The following UBIAD1 variants were observed in gnomAD, a reference collection of about 807,000 sequenced individuals.
The protein encoded by UBIAD1 is ubiA prenyltransferase domain-containing protein 1.
UBIAD1 carries 12 observed loss-of-function variants against 20.1 expected under a neutral mutation model. That is an observed-to-expected ratio of 0.60 (90% CI 0.38 to 0.97). The LOEUF (loss-of-function observed/expected upper bound fraction) is 0.97. Ranked by LOEUF, UBIAD1 falls within the 50% of genes least tolerant of loss-of-function variation. The pLI is 0.00. For missense variants in UBIAD1, 333 were observed against 419.5 expected, an observed-to-expected ratio of 0.79 and a Z score of 1.80; for synonymous variants, 207 against 189.2, an observed-to-expected ratio of 1.09 and a Z score of -0.77.
At chr1:11,280,111 C>T (rs183288656) in intron 1 of UBIAD1, among the ~76,000 whole-genome samples, 9 of 152,272 alleles carry the variant, frequency 5.9e-5, no homozygotes, top group Non-Finnish European at 1.2e-4. Flanking sequence ...GTGAAAGTGA[C>T]GTTCAAACTA....
chr1:11,292,517 C>T (rs530246776), downstream of UBIAD1, among the ~76,000 whole-genome samples: 10 of 152,098 alleles, frequency 6.6e-5, no homozygotes, highest in Admixed American at 5.2e-4. Flanking sequence ...TCTGTTATTA[C>T]GGGATAGTCT....
At chr1:11,292,158 C>A (rs1160070857), downstream of UBIAD1, 1 of 152,178 alleles carries the variant, frequency 6.6e-6, no homozygotes, top group Admixed American at 6.6e-5. Flanking sequence ...GTGTGTGCCA[C>A]CATGTCCAGC....
At chr1:11,296,317 T>C (rs370998392), downstream of UBIAD1, among the ~76,000 whole-genome samples, 33 of 152,110 alleles carry the variant, frequency 2.2e-4, no homozygotes, top group East Asian at 1.7e-3. Context: ...ACTGGGTGGG[T>C]AGAAGTCCAG....
chr1:11,273,916 C>G lies in UBIAD1; in HGVS notation c.385C>G (p.Gln129Glu). 1.2e-6 allele frequency: 2 copies of G among 1,614,234 alleles called. No individual in the cohort carries two copies. Among genetic ancestry groups the G allele is most frequent in the Non-Finnish European group, 1.7e-6 (2 of 1,180,038 alleles). Residue 129 changes from glutamine to glutamate, a missense_variant, in exon 1 of 2, where the codon CAG becomes GAG. Physicochemically the swap from Gln to Glu is conservative, Grantham distance 29. Coordinates refer to ENST00000376810, the MANE Select transcript of UBIAD1 (RefSeq NM_013319.3). This position sits in a 1 kb window ranked among gnomAD's most constrained non-coding sequence, Gnocchi z 4.9. Reference sequence around the variant, plus strand: ...ACTTGTGGACCGAATCTTGGAGCCGCAGGATGTCGTCCGGTTCGGAGTCTT... The same window carrying G: ...ACTTGTGGACCGAATCTTGGAGCCGGAGGATGTCGTCCGGTTCGGAGTCTT... ...RTLVDRILEPQDVVRFGVFLY... is the reference protein window; with the variant it reads ...RTLVDRILEPEDVVRFGVFLY...
Position 11,283,092 on chromosome 1 carries a change from C to T in UBIAD1, c.530-2552C>T, listed in dbSNP as rs1046576312. On this transcript the variant is annotated intron_variant, in intron 1 of 1. Transcript: ENST00000376810. Reference sequence around the variant, plus strand: ...GGTCAGGCTGGTCTCGAACCCCTGACCTCAGGTGATCCACCTGCTTCAGCC... The same window carrying T: ...GGTCAGGCTGGTCTCGAACCCCTGATCTCAGGTGATCCACCTGCTTCAGCC... 5.3e-5 allele frequency among the ~76,000 whole-genome samples: 8 copies of T among 151,948 alleles called. No individual in the cohort carries two copies. The East Asian group carries it at 1.4e-3, about 26-fold the overall frequency.
chr1:11,281,223 T>A (rs1557517791), intron 1 of UBIAD1, among the ~76,000 whole-genome samples: 1 of 152,206 alleles, frequency 6.6e-6, no homozygotes, highest in Non-Finnish European at 1.5e-5. Flanking sequence ...GAGGCCTTGC[T>A]TTCTACCTTG....
chr1:11,282,024 C>T (rs560841588), intron 1 of UBIAD1, among the ~76,000 whole-genome samples: 41 of 152,244 alleles, frequency 2.7e-4, no homozygotes, highest in Non-Finnish European at 4.4e-4. Flanking sequence ...GGATTGCTTC[C>T]ATATTTTGGC....
At chr1:11,291,463 T>C (rs950697593), downstream of UBIAD1, among the ~76,000 whole-genome samples, 4 of 128,614 alleles carry the variant, frequency 3.1e-5, no homozygotes, top group African/African-American at 5.4e-5. Context: ...AAAAATTAGC[T>C]GGGCGTGGTG....
In UBIAD1 at chr1:11,273,353, C is replaced by T. The variant is rs2101012018; in HGVS notation, c.-179C>T. 7.2e-6 allele frequency: 5 copies of T among 697,318 alleles called. No homozygotes were observed. The South Asian group carries it at 9.0e-5, about 13-fold the overall frequency. The allele number at this position is 697,318 out of a possible 1,614,324, so 43.2% of individuals were successfully genotyped here. On this transcript the variant is annotated 5_prime_UTR_variant, in exon 1 of 2. Transcript: ENST00000376810. This position sits in a 1 kb window ranked among gnomAD's most constrained non-coding sequence, Gnocchi z 4.9. ...GGTAGTAGGGGCGGCGCCGCTTGGCCTCGTGGGGTGTAAGACCCACTTGCT... is the reference window on the plus strand; with the variant it reads ...GGTAGTAGGGGCGGCGCCGCTTGGCTTCGTGGGGTGTAAGACCCACTTGCT...
At chr1:11,284,038 G>A (rs1274478565) in intron 1 of UBIAD1, among the ~76,000 whole-genome samples, 1 of 152,148 alleles carries the variant, frequency 6.6e-6, no homozygotes, top group Non-Finnish European at 1.5e-5. Context: ...CAAGTATTGG[G>A]GAGTGAGCTG....
Position 11,285,520 on chromosome 1 carries a change from G to C in UBIAD1, c.530-124G>C. The C allele has an allele frequency of 4.9e-6, 7 of 1,431,190 alleles. No individual in the cohort carries two copies. The highest frequency in any genetic ancestry group is 6.7e-6 in the Non-Finnish European group (7 of 1,037,570). 88.7% of individuals were successfully genotyped at this position (1,431,190 alleles called of 1,614,324 possible). Reference sequence around the variant, plus strand: ...TGTGGGGTTAAGGGATGAAATGAGTGCCCACCTGCACAGTCTAAGGATTTA... The same window carrying C: ...TGTGGGGTTAAGGGATGAAATGAGTCCCCACCTGCACAGTCTAAGGATTTA... On this transcript the variant is annotated intron_variant, in intron 1 of 1. Transcript: ENST00000376810. The surrounding 1 kb of genome is among the most constrained non-coding windows in gnomAD (Gnocchi z 4.4).
chr1:11,295,630 CAG>C (rs1158630111), downstream of UBIAD1: 1 of 152,306 alleles, frequency 6.6e-6, no homozygotes, highest in Non-Finnish European at 1.5e-5. Context: ...TCCTGCGAGT[CAG>C]GGGAGCCCCT....
intron 1 of UBIAD1, among the ~76,000 whole-genome samples, chr1:11,277,403 C>A (rs958286996): frequency 1.3e-5 from 2 of 150,818 alleles, no homozygotes; most frequent in Non-Finnish European, 1.5e-5. Flanking sequence ...CAAGTATAAT[C>A]CCAGTAGCTG....
At chr1:11,290,666 C>T (rs909067320), downstream of UBIAD1, among the ~76,000 whole-genome samples, 5 of 152,172 alleles carry the variant, frequency 3.3e-5, no homozygotes, top group Admixed American at 6.5e-5. Flanking sequence ...GTCTTACTAA[C>T]GCTTCCGTTA....
At chr1:11,292,749 G>A (rs1638387985), downstream of UBIAD1, among the ~76,000 whole-genome samples, 1 of 151,868 alleles carries the variant, frequency 6.6e-6, no homozygotes, top group Non-Finnish European at 1.5e-5. Flanking sequence ...CCCTTGAAGT[G>A]AGAGGGATGA....
At chr1:11,296,945 G>T (rs1467002350), downstream of UBIAD1, among the ~76,000 whole-genome samples, 2 of 152,092 alleles carry the variant, frequency 1.3e-5, no homozygotes, top group African/African-American at 4.8e-5. Flanking sequence ...CACAGTGCCT[G>T]GTACATTCAT....
downstream of UBIAD1, among the ~76,000 whole-genome samples, chr1:11,296,308 C>G (rs1638447035): frequency 1.3e-5 from 2 of 152,174 alleles, no homozygotes; most frequent in African/African-American, 4.8e-5. Flanking sequence ...TCTGGCAGCA[C>G]TGGGTGGGTA....
intron 1 of UBIAD1, among the ~76,000 whole-genome samples, chr1:11,281,015 C>T (rs1016831643): frequency 1.3e-5 from 2 of 152,002 alleles, no homozygotes; most frequent in African/African-American, 4.8e-5. Flanking sequence ...TCTGACCCAC[C>T]CTCCTCCTTT....
chr1:11,294,823 A>G, intron 1 of UBIAD1: 2 of 717,402 alleles, frequency 2.8e-6, no homozygotes, highest in Non-Finnish European at 5.2e-6. Context: ...GGTTAAATTT[A>G]TGCTCCTGTC....
Sources: allele counts gnomAD v4.1 joint callset (sites outside exome capture counted in the v4.1 genomes callset), GRCh38; gene constraint gnomAD v4.1.1; non-coding constraint Gnocchi (gnomAD v3.1); transcripts MANE v1.5; gene names NCBI Gene and HGNC (gene_info 2026-07-23, HGNC 2026-07-21).